The following TMEM163 variants were observed in gnomAD, a reference collection of about 807,000 sequenced individuals.
TMEM163 encodes transmembrane protein 163.
Under a neutral mutation model 29.3 loss-of-function variants are expected in TMEM163, and 17 were observed. That is an observed-to-expected ratio of 0.58 (90% CI 0.40 to 0.87). The LOEUF (loss-of-function observed/expected upper bound fraction) is 0.87. TMEM163 is among the 40% of genes least tolerant of loss of function. The pLI, the probability that TMEM163 is intolerant of heterozygous loss-of-function variation, is 0.00. For missense variants in TMEM163, 303 were observed against 381.5 expected (o/e 0.79, Z 1.71); for synonymous variants, 157 against 160.6 (o/e 0.98, Z 0.17).
chr2:134,532,156 C>A (rs1018676975), intron 4 of TMEM163, among the ~76,000 whole-genome samples: 1 of 152,218 alleles, frequency 6.6e-6, no homozygotes, highest in African/African-American at 2.4e-5. Context: ...CCTTGACAAG[C>A]CAGAAGTGAA....
intron 5 of TMEM163, among the ~76,000 whole-genome samples, chr2:134,495,286 C>T (rs1000383721): frequency 6.6e-6 from 1 of 152,176 alleles, no homozygotes; most frequent in Non-Finnish European, 1.5e-5. Flanking sequence ...AGGGAGCTCA[C>T]AGAGTTAAGG....
chr2:134,616,095 G>A (rs900098095), intron 2 of TMEM163, among the ~76,000 whole-genome samples: 1 of 152,200 alleles, frequency 6.6e-6, no homozygotes, highest in Non-Finnish European at 1.5e-5. Context: ...ACCAAGAGAT[G>A]GAAGTGGTCA....
chr2:134,656,386 A>G (rs1253267627), intron 2 of TMEM163, among the ~76,000 whole-genome samples: 1 of 151,712 alleles, frequency 6.6e-6, no homozygotes, highest in African/African-American at 2.4e-5. Context: ...AGGTGAGGCA[A>G]TGCCTTGCCC....
At chr2:134,517,209 C>T (rs556540328) in intron 4 of TMEM163, among the ~76,000 whole-genome samples, 1 of 152,294 alleles carries the variant, frequency 6.6e-6, no homozygotes, top group African/African-American at 2.4e-5. Context: ...GACATGAATT[C>T]CCTGAGGCAA....
chr2:134,664,214 T>C (rs902151030), intron 2 of TMEM163, among the ~76,000 whole-genome samples: 2 of 152,374 alleles, frequency 1.3e-5, no homozygotes, highest in Middle Eastern at 3.4e-3. Flanking sequence ...GAGATTATAA[T>C]GTCCATGGCT....
intron 2 of TMEM163, among the ~76,000 whole-genome samples, chr2:134,685,626 G>A (rs769194507): frequency 4.6e-5 from 7 of 152,310 alleles, no homozygotes; most frequent in East Asian, 1.9e-4. Flanking sequence ...TGGAGAACCC[G>A]TCACCACAGC....
At chr2:134,697,283 G>T (rs376773087) in intron 2 of TMEM163, among the ~76,000 whole-genome samples, 2 of 152,020 alleles carry the variant, frequency 1.3e-5, no homozygotes, top group South Asian at 2.1e-4. Flanking sequence ...AACAGCAGAC[G>T]TCCTTATCTT....
chr2:134,594,639 A>G (rs1682021084), intron 2 of TMEM163, among the ~76,000 whole-genome samples: 1 of 152,228 alleles, frequency 6.6e-6, no homozygotes, highest in Non-Finnish European at 1.5e-5. Context: ...AGGCACGCCC[A>G]TTGGCAGAAA....
chr2:134,497,613 C>A (rs75309180), intron 5 of TMEM163, among the ~76,000 whole-genome samples: 3 of 152,160 alleles, frequency 2.0e-5, no homozygotes, highest in African/African-American at 7.2e-5. Flanking sequence ...GTAAAGCGTG[C>A]GACTGTTTAT....
At position 134,665,113 on chromosome 2, in the gene TMEM163, T is replaced by C. The variant is rs143934217; in HGVS notation, c.322+48087A>G. On this transcript the variant is annotated intron_variant, in intron 2 of 7. Coordinates refer to ENST00000281924, the MANE Select transcript of TMEM163 (RefSeq NM_030923.5). Reference sequence around the variant, plus strand: ...CACAGGAAAGACAAACAGCTTGTGATGCTTATATTGTTGTTTGGGGGTCCA... The same window carrying C: ...CACAGGAAAGACAAACAGCTTGTGACGCTTATATTGTTGTTTGGGGGTCCA... Among the ~76,000 whole-genome samples the C allele has an allele frequency of 6.6e-4, 100 of 152,278 alleles. 2 individuals carry two copies. The East Asian group carries it at 0.013, about 19-fold the overall frequency.
chr2:134,666,718 ATCTCC>A (rs1308728850), intron 2 of TMEM163, among the ~76,000 whole-genome samples: 3 of 152,180 alleles, frequency 2.0e-5, no homozygotes. Flanking sequence ...TCATTTTAAG[ATCTCC>A]AGCAATTTAC....
intron 2 of TMEM163, among the ~76,000 whole-genome samples, chr2:134,693,322 C>A (rs901516212): frequency 6.6e-6 from 1 of 151,990 alleles, no homozygotes; most frequent in Non-Finnish European, 1.5e-5. Flanking sequence ...AAAACTGAAA[C>A]CTTTCCAGAC....
intron 2 of TMEM163, among the ~76,000 whole-genome samples, chr2:134,617,726 A>G (rs1045294253): frequency 6.6e-6 from 1 of 152,206 alleles, no homozygotes; most frequent in African/African-American, 2.4e-5. Flanking sequence ...ATAGCAAATG[A>G]TAAATGTGAA....
chr2:134,665,192 T>G (rs6761055), intron 2 of TMEM163, among the ~76,000 whole-genome samples: 2 of 152,280 alleles, frequency 1.3e-5, no homozygotes, highest in African/African-American at 4.8e-5. Flanking sequence ...ACACTGCTAA[T>G]AAAGACATAC....
intron 2 of TMEM163, among the ~76,000 whole-genome samples, chr2:134,683,730 GGAA>G (rs1363370635): frequency 1.3e-5 from 2 of 152,184 alleles, no homozygotes; most frequent in African/African-American, 4.8e-5. Context: ...GAGGGAAGGA[GGAA>G]GAAGTTTATC....
At chr2:134,476,516 T>C (rs1486602210) in intron 5 of TMEM163, among the ~76,000 whole-genome samples, 2 of 152,238 alleles carry the variant, frequency 1.3e-5, no homozygotes, top group Admixed American at 1.3e-4. Context: ...ATCTCAGGGA[T>C]TCTTAGGTGA....
At chr2:134,601,755 T>A (rs901759624) in intron 2 of TMEM163, among the ~76,000 whole-genome samples, 3 of 152,148 alleles carry the variant, frequency 2.0e-5, no homozygotes, top group Non-Finnish European at 2.9e-5. Flanking sequence ...TCTTCTGAGA[T>A]GGCAAACAAT....
chr2:134,605,715 A>AGGAGG (rs1322751477), intron 2 of TMEM163, among the ~76,000 whole-genome samples: 2 of 147,762 alleles, frequency 1.4e-5, no homozygotes, highest in East Asian at 2.1e-4. Context: ...GGGAAGGAAG[A>AGGAGG]GGAGGGGAGG....
In TMEM163 at chr2:134,718,820, G is replaced by T; in HGVS notation, c.116C>A (p.Pro39Gln). ...CTCCAGCTGGGGCGGCTCGCGCACC[G>T]GGGAGCTCAGCGGGGCCGGGCCGGG... ...AAPGPAPLSS[P>Q]VREPPQLEEE... Residue 39 changes from proline to glutamine, a missense_variant, in exon 1 of 8, where the codon CCG becomes CAG. By Grantham distance (76) the Pro-to-Gln change is moderately conservative. Around this residue, in one of 2 missense-constraint regions of TMEM163, gnomAD observed 100 missense variants for 87.2 expected, o/e 1.15. Coordinates refer to ENST00000281924, the MANE Select transcript of TMEM163 (RefSeq NM_030923.5). 2 of 1,134,628 alleles carry T rather than the reference G, an allele frequency of 1.8e-6. No individual in the cohort carries two copies. Among genetic ancestry groups the T allele is most frequent in the Non-Finnish European group, 2.2e-6 (2 of 926,092 alleles). 70.3% of individuals were successfully genotyped at this position (1,134,628 alleles called of 1,614,324 possible). A position where few individuals can be genotyped will look rare whatever the true frequency, so the allele number is the denominator to read the frequency against.
Sources: allele counts gnomAD v4.1 joint callset (sites outside exome capture counted in the v4.1 genomes callset), GRCh38; gene constraint gnomAD v4.1.1; regional missense constraint gnomAD v4.1.1; transcripts MANE v1.5; gene names NCBI Gene and HGNC (gene_info 2026-07-23, HGNC 2026-07-21).